Variants in CCDC32 observed in about 807,000 individuals in gnomAD.
CCDC32 encodes coiled-coil domain containing 32, also known as coiled-coil domain-containing protein 32.
CCDC32 carries 9 observed loss-of-function variants against 20.1 expected under a neutral mutation model. That is an observed-to-expected ratio of 0.45 (90% confidence interval 0.27 to 0.78). The LOEUF (loss-of-function observed/expected upper bound fraction) is 0.78. Ranked by LOEUF, CCDC32 falls within the 30% of genes least tolerant of loss-of-function variation. CCDC32 has a pLI of 0.16. For synonymous variants in CCDC32, 63 were observed against 79.0 expected (o/e 0.80, Z 1.07); for missense variants, 204 against 215.5 (o/e 0.95, Z 0.33).
Position 40,557,277 on chromosome 15 carries a change from G to C in CCDC32, c.340C>G (p.Arg114Gly), listed in dbSNP as rs367681812. 1 of 1,614,160 alleles carries C rather than the reference G, an allele frequency of 6.2e-7. No homozygotes were observed. The highest frequency in any genetic ancestry group is 1.1e-5 in the South Asian group (1 of 91,066). The change falls in exon 3 of 4, where the codon CGG becomes GGG. Residue 114 changes from arginine (R) to glycine (G), a missense_variant. Arg to Gly is a moderately radical substitution (Grantham distance 125). Transcript: ENST00000416810. Reference sequence around the variant, plus strand: ...GAAGCTAACTTCTCCTGGAGGAACCGATCCCAGCATTCCTTCTTGGCTTGG... The same window carrying C: ...GAAGCTAACTTCTCCTGGAGGAACCCATCCCAGCATTCCTTCTTGGCTTGG... ...LAQAKKECWD[R>G]FLQEKLASEF...
At chr15:40,540,412 G>A (rs576152091) in intron 3 of CCDC32, among the ~76,000 whole-genome samples, 1 of 149,506 alleles carries the variant, frequency 6.7e-6, no homozygotes, top group Non-Finnish European at 1.5e-5. Flanking sequence ...CTGTTGTGCA[G>A]GCTGGAGAGC....
downstream of CCDC32, chr15:40,528,598 G>C (rs1894929492): frequency 6.7e-6 from 4 of 599,338 alleles, no homozygotes; most frequent in Admixed American, 1.2e-4. Context: ...ATCCAGGGAG[G>C]GGAAGACACC....
chr15:40,561,527 C>T (rs1418319931), intron 2 of CCDC32, among the ~76,000 whole-genome samples: 2 of 150,760 alleles, frequency 1.3e-5, no homozygotes. Flanking sequence ...AAGTGGTATA[C>T]TGGACTTTGG....
chr15:40,532,905 A>G (rs1172212916), downstream of CCDC32, among the ~76,000 whole-genome samples: 2 of 151,700 alleles, frequency 1.3e-5, no homozygotes, highest in African/African-American at 2.4e-5. Context: ...GGGTTTCACC[A>G]TGTTGCCCAG....
In CCDC32 at chr15:40,564,989, C is replaced by T; in HGVS notation, c.-26G>A. The T allele has an allele frequency of 1.7e-6, 1 of 605,578 alleles. No individual in the cohort carries two copies. The highest frequency in any genetic ancestry group is 2.9e-6 in the Non-Finnish European group (1 of 343,238). The allele number at this position is 605,578 out of a possible 1,614,324, so 37.5% of individuals were successfully genotyped here. A position where few individuals can be genotyped will look rare whatever the true frequency, so the allele number is the denominator to read the frequency against. On this transcript the variant is annotated 5_prime_UTR_variant, in exon 1 of 4. Transcript: ENST00000416810. ...CTCCTCACTTACCGTAACAGCTGCCCAGTAAACGCTTGGCTCAGCTCTGTC... is the reference window on the plus strand; with the variant it reads ...CTCCTCACTTACCGTAACAGCTGCCTAGTAAACGCTTGGCTCAGCTCTGTC...
At chr15:40,558,806 C>T (rs930532795) in intron 2 of CCDC32, among the ~76,000 whole-genome samples, 1 of 148,692 alleles carries the variant, frequency 6.7e-6, no homozygotes, top group South Asian at 2.1e-4. Flanking sequence ...TTCTTTCTTT[C>T]TTTTTTTTTT....
At chr15:40,546,184 T>G (rs548907931) in intron 3 of CCDC32, among the ~76,000 whole-genome samples, 1 of 151,060 alleles carries the variant, frequency 6.6e-6, no homozygotes, top group Admixed American at 6.6e-5. Context: ...TATTTTTTCT[T>G]TTTCTTTCCT....
downstream of CCDC32, chr15:40,537,841 TG>T: frequency 6.6e-6 from 1 of 152,262 alleles, no homozygotes. Context: ...TCTCAGCTAC[TG>T]GGGAGGCTGA....
chr15:40,562,763 C>G lies in CCDC32; in HGVS notation c.244+9G>C. 6.2e-7 allele frequency: 1 copy of G among 1,609,184 alleles called. No individual in the cohort carries two copies. On this transcript the variant is annotated intron_variant, in intron 2 of 3. Coordinates refer to ENST00000416810, the MANE Select transcript of CCDC32 (RefSeq NM_001080792.4). ...CTTCAATATGCTTCCCTAGAGCCGT[C>G]AAACTTACCTAGAGATGCTAAATAC...
intron 1 of CCDC32, among the ~76,000 whole-genome samples, chr15:40,564,319 T>G (rs1890876610): frequency 6.6e-6 from 1 of 152,176 alleles, no homozygotes; most frequent in Non-Finnish European, 1.5e-5. Flanking sequence ...TTTCACCATT[T>G]TACAGATGAA....
chr15:40,562,668 T>C (rs1890724822), intron 2 of CCDC32, 104 bp downstream of exon 2: 2 of 1,313,928 alleles, frequency 1.5e-6, no homozygotes, highest in South Asian at 1.4e-5. Flanking sequence ...TGGAATTATA[T>C]CTGACAGATA....
At chr15:40,541,031 C>A (rs1889368036) in intron 3 of CCDC32, among the ~76,000 whole-genome samples, 1 of 152,238 alleles carries the variant, frequency 6.6e-6, no homozygotes, top group Admixed American at 6.5e-5. Flanking sequence ...TCCCGCACAG[C>A]CCTGGAAGGC....
downstream of CCDC32, among the ~76,000 whole-genome samples, chr15:40,533,260 T>G (rs556774318): frequency 6.6e-6 from 1 of 152,324 alleles, no homozygotes; most frequent in South Asian, 2.1e-4. Context: ...GATGTGCAAT[T>G]AAAAGTATAC....
intron 3 of CCDC32, among the ~76,000 whole-genome samples, chr15:40,545,524 G>C (rs1027657777): frequency 1.3e-5 from 2 of 152,160 alleles, no homozygotes; most frequent in African/African-American, 2.4e-5. Flanking sequence ...TGGAGAGAAT[G>C]GGGGGAGATG....
At chr15:40,524,934 C>G (rs1340103223), downstream of CCDC32, among the ~76,000 whole-genome samples, 1 of 151,376 alleles carries the variant, frequency 6.6e-6, no homozygotes, top group East Asian at 1.9e-4. Flanking sequence ...GCTATGTTGC[C>G]CAGGCTGGTC....
downstream of CCDC32, among the ~76,000 whole-genome samples, chr15:40,548,675 C>A (rs1889719153): frequency 6.6e-6 from 1 of 152,072 alleles, no homozygotes; most frequent in Non-Finnish European, 1.5e-5. Context: ...ACTCCCTGGG[C>A]TTCTCTACCT....
downstream of CCDC32, chr15:40,532,199 G>A: frequency 1.5e-6 from 1 of 674,428 alleles, no homozygotes; most frequent in South Asian, 1.6e-5. Context: ...CTGGTCAAGG[G>A]ATAGGTTTTG....
chr15:40,532,192 G>A, downstream of CCDC32: 1 of 662,448 alleles, frequency 1.5e-6, no homozygotes, highest in South Asian at 1.6e-5. Flanking sequence ...ACAGGATCTG[G>A]TCAAGGGATA....
chr15:40,563,153 A>G, intron 1 of CCDC32, 126 bp from the exon 2 acceptor site: 1 of 1,151,032 alleles, frequency 8.7e-7, no homozygotes, highest in Non-Finnish European at 1.2e-6. Flanking sequence ...ATTTGAGGCC[A>G]GCAGTTCGAG....
Sources: allele counts gnomAD v4.1 joint callset (sites outside exome capture counted in the v4.1 genomes callset), GRCh38; gene constraint gnomAD v4.1.1; transcripts MANE v1.5; gene names NCBI Gene and HGNC (gene_info 2026-07-23, HGNC 2026-07-21).